UNC13C: variants seen among roughly 807,000 people sequenced by gnomAD.
The protein encoded by UNC13C is protein unc-13 homolog C.
UNC13C carries 174 observed loss-of-function variants against 245.4 expected under a neutral mutation model. That is an observed-to-expected ratio of 0.71 (90% CI 0.63 to 0.80). The LOEUF is 0.80. UNC13C is among the 30% of genes least tolerant of loss of function. UNC13C has a pLI of 0.00. For missense variants in UNC13C, 2,829 were observed against 2,602.9 expected (o/e 1.09, Z -1.89); for synonymous variants, 992 against 895.1 (o/e 1.11, Z -1.93).
chr15:54,567,029 C>T (rs1460951245), intron 29 of UNC13C, among the ~76,000 whole-genome samples: 2 of 152,078 alleles, frequency 1.3e-5, no homozygotes, highest in African/African-American at 2.4e-5. Context: ...AAAAAACATC[C>T]TTAGTTCTAT....
chr15:54,087,402 A>C (rs2141129432), intron 2 of UNC13C, among the ~76,000 whole-genome samples: 1 of 152,206 alleles, frequency 6.6e-6, no homozygotes, highest in South Asian at 2.1e-4. Context: ...TTTTTGCAAA[A>C]CCTAACTACT....
intron 15 of UNC13C, among the ~76,000 whole-genome samples, chr15:54,332,626 C>T (rs1206659653): frequency 6.6e-6 from 1 of 151,974 alleles, no homozygotes; most frequent in Non-Finnish European, 1.5e-5. Context: ...TGGGGAAACA[C>T]ATACACATAC....
At chr15:53,996,670 T>A (rs1334810403) in intron 1 of UNC13C, among the ~76,000 whole-genome samples, 1 of 152,182 alleles carries the variant, frequency 6.6e-6, no homozygotes, top group East Asian at 1.9e-4. Flanking sequence ...ATTTTGATTA[T>A]CATAAATTAT....
chr15:54,418,091 T>C (rs2040558481), intron 19 of UNC13C, among the ~76,000 whole-genome samples: 1 of 152,110 alleles, frequency 6.6e-6, no homozygotes, highest in African/African-American at 2.4e-5. Context: ...AGTACATTGT[T>C]CATCAGTTTA....
intron 19 of UNC13C, among the ~76,000 whole-genome samples, chr15:54,454,122 G>T (rs1891336333): frequency 7.1e-6 from 1 of 140,848 alleles, no homozygotes; most frequent in African/African-American, 2.8e-5. Flanking sequence ...AATTTTTATT[G>T]TGATATATAT....
chr15:54,248,532 T>C (rs531911899), intron 7 of UNC13C, among the ~76,000 whole-genome samples: 1 of 152,274 alleles, frequency 6.6e-6, no homozygotes, highest in Non-Finnish European at 1.5e-5. Context: ...TAAGACATCT[T>C]TATTATGAAA....
At chr15:53,923,058 T>G in the UNC13C span, among the ~76,000 whole-genome samples, 1 of 152,216 alleles carries the variant, frequency 6.6e-6, no homozygotes, top group Admixed American at 6.5e-5. Flanking sequence ...GGAATTAATG[T>G]ATTCATTTGC....
chr15:54,567,971 A>G, intron 30 of UNC13C, 24 bp downstream of exon 30: 1 of 1,463,316 alleles, frequency 6.8e-7, no homozygotes, highest in Non-Finnish European at 9.1e-7. Flanking sequence ...AGGACCTGAG[A>G]ATAAGGTAAA....
chr15:54,186,010 G>T (rs2033969257), intron 4 of UNC13C, among the ~76,000 whole-genome samples: 1 of 151,312 alleles, frequency 6.6e-6, no homozygotes, highest in Non-Finnish European at 1.5e-5. Context: ...GGATTCCTAG[G>T]TATTTTATTC....
intron 17 of UNC13C, among the ~76,000 whole-genome samples, chr15:54,365,744 C>T (rs1249135254): frequency 7.4e-5 from 11 of 148,882 alleles, no homozygotes; most frequent in African/African-American, 2.8e-4. Context: ...CACTGCTCCC[C>T]GCTCAAAAAG....
At chr15:54,350,768 C>G (rs1408855085) in intron 17 of UNC13C, among the ~76,000 whole-genome samples, 1 of 152,124 alleles carries the variant, frequency 6.6e-6, no homozygotes, top group East Asian at 1.9e-4. Flanking sequence ...GTAGTGGAGT[C>G]AAGAGGTATA....
At chr15:54,341,680 T>G (rs996873793) in intron 17 of UNC13C, among the ~76,000 whole-genome samples, 1 of 152,214 alleles carries the variant, frequency 6.6e-6, no homozygotes, top group Non-Finnish European at 1.5e-5. Context: ...TTTCCAATAT[T>G]TCTCTGCTCT....
chr15:53,839,744 C>T, the UNC13C span, among the ~76,000 whole-genome samples: 3 of 152,018 alleles, frequency 2.0e-5, no homozygotes, highest in East Asian at 1.9e-4. Flanking sequence ...GCTTTCTCCC[C>T]TCCTATCTTG....
At chr15:54,269,135 TC>T (rs1422649847) in intron 10 of UNC13C, among the ~76,000 whole-genome samples, 1 of 152,100 alleles carries the variant, frequency 6.6e-6, no homozygotes, top group Non-Finnish European at 1.5e-5. Flanking sequence ...TGGTTTCTAT[TC>T]CTTGCACAAT....
intron 9 of UNC13C, 60 bp from the exon 10 acceptor site, chr15:54,265,295 T>A (rs2036524774): frequency 4.7e-6 from 6 of 1,289,938 alleles, no homozygotes; most frequent in Non-Finnish European, 6.0e-6. Flanking sequence ...GTCTTTGTTA[T>A]TATTATTTTT....
chr15:54,494,270 A>G (rs536834869), intron 19 of UNC13C, among the ~76,000 whole-genome samples: 3 of 152,284 alleles, frequency 2.0e-5, no homozygotes, highest in African/African-American at 2.4e-5. Flanking sequence ...GTCACTTTGC[A>G]TCAAGCTAAA....
intron 2 of UNC13C, among the ~76,000 whole-genome samples, chr15:54,093,799 C>T (rs1899700820): frequency 6.6e-6 from 1 of 152,152 alleles, no homozygotes; most frequent in Non-Finnish European, 1.5e-5. Flanking sequence ...CATTCTATAA[C>T]ACCTGAAAAT....
At chr15:54,067,858 T>C (rs1413861550) in intron 2 of UNC13C, among the ~76,000 whole-genome samples, 2 of 152,190 alleles carry the variant, frequency 1.3e-5, no homozygotes, top group African/African-American at 4.8e-5. Context: ...TGAAAATACA[T>C]GTGTAAAAGT....
rs76139861 is a variant in UNC13C, at chr15:54,438,675, G to A, written c.4933+23608G>A. 3.3e-3 allele frequency among the ~76,000 whole-genome samples: 499 copies of A among 152,000 alleles called. 4 individuals are homozygous for A. The East Asian group carries it at 0.056, about 17-fold the overall frequency. ...TAAACTGCTTATAATTTATACAACT[G>A]TGAGTTGCAATTAGTACCTCTAGAG... On this transcript the variant is annotated intron_variant, in intron 19 of 32. Coordinates refer to ENST00000260323, the MANE Select transcript of UNC13C (RefSeq NM_001080534.3).
Sources: allele counts gnomAD v4.1 joint callset (sites outside exome capture counted in the v4.1 genomes callset), GRCh38; gene constraint gnomAD v4.1.1; transcripts MANE v1.5; gene names NCBI Gene and HGNC (gene_info 2026-07-23, HGNC 2026-07-21).